The following GRID2 variants were observed in gnomAD, a reference collection of about 807,000 sequenced individuals.
GRID2 encodes glutamate ionotropic receptor delta type subunit 2, also known as glutamate receptor ionotropic, delta-2.
GRID2 carries 33 observed loss-of-function variants against 114.8 expected under a neutral mutation model. That is an observed-to-expected ratio of 0.29 (90% CI 0.22 to 0.38). The LOEUF is 0.38. GRID2 is among the 10% of genes least tolerant of loss of function. The pLI is 1.00. For missense variants in GRID2, 1,184 were observed against 1,257.7 expected, an observed-to-expected ratio of 0.94 and a Z score of 0.89; for synonymous variants, 505 against 449.9, an observed-to-expected ratio of 1.12 and a Z score of -1.55.
chr4:93,383,271 C>T (rs941190767), intron 8 of GRID2, among the ~76,000 whole-genome samples: 1 of 152,138 alleles, frequency 6.6e-6, no homozygotes, highest in Admixed American at 6.5e-5. Flanking sequence ...CAGCAGTAAG[C>T]AATCAGAGCA....
intron 2 of GRID2, among the ~76,000 whole-genome samples, chr4:92,875,066 A>C (rs1254699172): frequency 1.3e-5 from 2 of 152,022 alleles, no homozygotes; most frequent in Non-Finnish European, 2.9e-5. Context: ...ATATTGTTTA[A>C]ATTTACGGTG....
chr4:92,700,720 CGG>C, intron 2 of GRID2, among the ~76,000 whole-genome samples: 1 of 152,008 alleles, frequency 6.6e-6, no homozygotes, highest in East Asian at 1.9e-4. Flanking sequence ...AGGCTGGGCG[CGG>C]TGGCTCACGC....
intron 8 of GRID2, among the ~76,000 whole-genome samples, chr4:93,317,901 T>C (rs960955017): frequency 9.4e-5 from 14 of 149,716 alleles, no homozygotes; most frequent in Non-Finnish European, 1.5e-4. Context: ...TAAATATATA[T>C]TTAAACAATT....
chr4:93,142,998 C>T (rs547661526), intron 4 of GRID2, among the ~76,000 whole-genome samples: 1 of 152,264 alleles, frequency 6.6e-6, no homozygotes, highest in Admixed American at 6.5e-5. Context: ...AATGGATACA[C>T]AATAGGTTTG....
At chr4:93,051,717 T>A (rs999679912) in intron 2 of GRID2, among the ~76,000 whole-genome samples, 2 of 152,000 alleles carry the variant, frequency 1.3e-5, no homozygotes, top group African/African-American at 4.8e-5. Flanking sequence ...AGATCACTAA[T>A]TGATTGAAGT....
chr4:93,662,375 A>T (rs1323667778), intron 14 of GRID2, among the ~76,000 whole-genome samples: 1 of 152,178 alleles, frequency 6.6e-6, no homozygotes, highest in African/African-American at 2.4e-5. Flanking sequence ...CAGAAATATT[A>T]TGCAAATATT....
At chr4:92,666,119 C>T (rs1351275474) in intron 2 of GRID2, among the ~76,000 whole-genome samples, 1 of 151,314 alleles carries the variant, frequency 6.6e-6, no homozygotes, top group Admixed American at 6.6e-5. Context: ...ATTTCCATCC[C>T]TCAGATTCAA....
intron 8 of GRID2, among the ~76,000 whole-genome samples, chr4:93,312,367 T>C (rs1421739519): frequency 6.6e-6 from 1 of 152,244 alleles, no homozygotes; most frequent in African/African-American, 2.4e-5. Flanking sequence ...AATTGGATTG[T>C]GTTTTGAAGT....
chr4:93,725,282 T>C (rs142990411), intron 14 of GRID2, among the ~76,000 whole-genome samples: 5,967 of 152,262 alleles, frequency 0.039, 378 homozygotes, highest in African/African-American at 0.13. Context: ...TGGTTTCCAG[T>C]TTCATCCATG....
At chr4:93,800,848 A>G (rs1734914513) in intron 1 of GRID2, among the ~76,000 whole-genome samples, 2 of 152,264 alleles carry the variant, frequency 1.3e-5, no homozygotes, top group Middle Eastern at 3.4e-3. Flanking sequence ...ACCAACGTTA[A>G]AAGGAATTCT....
intron 2 of GRID2, among the ~76,000 whole-genome samples, chr4:92,637,359 G>A (rs939091055): frequency 6.6e-6 from 1 of 151,996 alleles, no homozygotes; most frequent in Admixed American, 6.6e-5. Context: ...TGTAGAGTAA[G>A]TTAACTAAAA....
At chr4:93,502,219 A>G (rs1205976783) in intron 12 of GRID2, among the ~76,000 whole-genome samples, 1 of 152,106 alleles carries the variant, frequency 6.6e-6, no homozygotes, top group Non-Finnish European at 1.5e-5. Context: ...CTTTTCTCCT[A>G]CTAAAGAATA....
At chr4:92,583,843 A>C (rs1404224400) in intron 1 of GRID2, among the ~76,000 whole-genome samples, 1 of 150,180 alleles carries the variant, frequency 6.7e-6, no homozygotes, top group Non-Finnish European at 1.5e-5. Context: ...TAAATATATA[A>C]ACATGAACAT....
intron 8 of GRID2, among the ~76,000 whole-genome samples, chr4:93,358,613 A>C (rs912423397): frequency 6.6e-6 from 1 of 152,042 alleles, no homozygotes; most frequent in African/African-American, 2.4e-5. Context: ...ATTTTAAAAA[A>C]GAAACAAAAA....
At chr4:93,225,333 C>T (rs527656538) in intron 7 of GRID2, among the ~76,000 whole-genome samples, 1 of 152,116 alleles carries the variant, frequency 6.6e-6, no homozygotes, top group Non-Finnish European at 1.5e-5. Context: ...GGCTTAGCTA[C>T]CTGTTCCATT....
chr4:92,677,248 G>A (rs1488757247), intron 2 of GRID2, among the ~76,000 whole-genome samples: 4 of 152,118 alleles, frequency 2.6e-5, no homozygotes, highest in Non-Finnish European at 4.4e-5. Context: ...TGCACACTTA[G>A]AAATGGATTA....
At chr4:93,162,072 G>A (rs886260874) in intron 4 of GRID2, among the ~76,000 whole-genome samples, 1 of 151,434 alleles carries the variant, frequency 6.6e-6, no homozygotes, top group African/African-American at 2.4e-5. Flanking sequence ...GCCAGTTGAG[G>A]TTTTTCTCAT....
chr4:93,078,195 C>A (rs937031129), intron 2 of GRID2, among the ~76,000 whole-genome samples: 1 of 152,140 alleles, frequency 6.6e-6, no homozygotes, highest in Non-Finnish European at 1.5e-5. Context: ...GAAACATTTT[C>A]TTTACTCTTT....
intron 13 of GRID2, among the ~76,000 whole-genome samples, chr4:93,592,653 G>C (rs1488940086): frequency 6.6e-6 from 1 of 152,100 alleles, no homozygotes; most frequent in Non-Finnish European, 1.5e-5. Context: ...TGTTGACAGT[G>C]GGGTGTTAAA....
Sources: gnomAD v4.1 joint callset for allele counts (sites outside exome capture counted in the v4.1 genomes callset) on GRCh38, gnomAD v4.1.1 for gene constraint, MANE v1.5 for transcripts, NCBI Gene and HGNC (gene_info 2026-07-23, HGNC 2026-07-21) for gene names.